RAPGEF6: variants seen among roughly 807,000 people sequenced by gnomAD.
RAPGEF6 encodes PDZ domain containing guanine nucleotide exchange factor (GEF) 2.
In RAPGEF6, 56 loss-of-function variants were observed where a neutral mutation model predicts 171.4. The ratio of observed to expected loss-of-function variants is 0.33; its 90% CI spans 0.26 to 0.41. RAPGEF6 has a LOEUF of 0.41. Ranked by LOEUF, RAPGEF6 falls within the 10% of genes least tolerant of loss-of-function variation. The probability of loss-of-function intolerance (pLI) is 1.00; values close to 1 mark genes in which losing one functional copy is unlikely to be tolerated. For missense variants in RAPGEF6, 1,674 were observed against 1,921.4 expected, an observed-to-expected ratio of 0.87 and a Z score of 2.41; for synonymous variants, 692 against 650.1, an observed-to-expected ratio of 1.06 and a Z score of -0.98.
intron 25 of RAPGEF6, 59 bp downstream of exon 25, chr5:131,433,371 T>C: frequency 6.7e-7 from 1 of 1,484,862 alleles, no homozygotes; most frequent in Non-Finnish European, 9.4e-7. Flanking sequence ...TGGGGAGCAC[T>C]CCTTGCAGTG....
intron 8 of RAPGEF6, among the ~76,000 whole-genome samples, chr5:131,509,563 A>G (rs1757589019): frequency 6.6e-6 from 1 of 152,098 alleles, no homozygotes; most frequent in South Asian, 2.1e-4. Context: ...ATAAGAGTAC[A>G]CACAAAACAT....
intron 1 of RAPGEF6, among the ~76,000 whole-genome samples, chr5:131,615,427 C>T (rs892848527): frequency 2.0e-5 from 3 of 152,072 alleles, no homozygotes; most frequent in Admixed American, 2.0e-4. Context: ...GCAAGATAAG[C>T]TTGAGGTACT....
At chr5:131,554,590 G>C (rs964658768) in intron 5 of RAPGEF6, among the ~76,000 whole-genome samples, 1 of 152,102 alleles carries the variant, frequency 6.6e-6, no homozygotes, top group Non-Finnish European at 1.5e-5. Flanking sequence ...CACAATCTTG[G>C]CTCGCTGCAA....
At chr5:131,543,484 G>A (rs952793522) in intron 6 of RAPGEF6, among the ~76,000 whole-genome samples, 3 of 152,072 alleles carry the variant, frequency 2.0e-5, no homozygotes, top group East Asian at 3.8e-4. Flanking sequence ...CTAAAGAAAC[G>A]ACATGGGCAA....
chr5:131,472,874 A>G (rs995031587), intron 16 of RAPGEF6, 130 bp from the exon 17 acceptor site: 5 of 741,696 alleles, frequency 6.7e-6, no homozygotes, highest in Admixed American at 6.1e-5. Context: ...GAAATACTAC[A>G]GCAATTTTTA....
At chr5:131,458,059 A>G (rs1234057215) in intron 19 of RAPGEF6, among the ~76,000 whole-genome samples, 1 of 152,236 alleles carries the variant, frequency 6.6e-6, no homozygotes, top group African/African-American at 2.4e-5. Flanking sequence ...CATTCATAAT[A>G]TAAGGATCCC....
chr5:131,429,463 C>A (rs1173465908), intron 26 of RAPGEF6, among the ~76,000 whole-genome samples: 15 of 152,166 alleles, frequency 9.9e-5, no homozygotes, highest in Non-Finnish European at 1.0e-4. Flanking sequence ...GGAGATGACA[C>A]TGATGACAAG....
At chr5:131,455,215 A>C (rs1753394585) in intron 20 of RAPGEF6, among the ~76,000 whole-genome samples, 1 of 152,230 alleles carries the variant, frequency 6.6e-6, no homozygotes, top group African/African-American at 2.4e-5. Flanking sequence ...TCTTGTGTTA[A>C]AAGCACAGCA....
intron 4 of RAPGEF6, among the ~76,000 whole-genome samples, chr5:131,572,319 C>T (rs1271420109): frequency 1.3e-5 from 2 of 152,194 alleles, no homozygotes; most frequent in Non-Finnish European, 2.9e-5. Context: ...AGCGGTTCTT[C>T]ACACTCGGGT....
At chr5:131,489,696 TTA>T (rs1756154952) in intron 14 of RAPGEF6, 42 bp from the exon 15 acceptor site, 4 of 1,109,196 alleles carry the variant, frequency 3.6e-6, no homozygotes, top group Non-Finnish European at 3.9e-6. Flanking sequence ...CAGAACAGTA[TTA>T]GTTACTCCTA....
At position 131,635,181 on chromosome 5, in the gene RAPGEF6, A is replaced by G; in HGVS notation, c.-151T>C. On this transcript the variant is annotated 5_prime_UTR_variant, in exon 1 of 28. Transcript: ENST00000509018. ...GAACTCTAGCAAACAACCCTTCGCAACGCCCGCCTAAGGCCTCTACCCACG... is the reference window on the plus strand; with the variant it reads ...GAACTCTAGCAAACAACCCTTCGCAGCGCCCGCCTAAGGCCTCTACCCACG... 1 of 785,502 alleles carries G rather than the reference A, an allele frequency of 1.3e-6. No individual in the cohort carries two copies. Among genetic ancestry groups the G allele is most frequent in the South Asian group, 1.9e-5 (1 of 53,660 alleles). The allele number at this position is 785,502 out of a possible 1,614,324, so 48.7% of individuals were successfully genotyped here. A position where few individuals can be genotyped will look rare whatever the true frequency, so the allele number is the denominator to read the frequency against.
chr5:131,620,582 C>T (rs1427133726), intron 1 of RAPGEF6, among the ~76,000 whole-genome samples: 2 of 149,110 alleles, frequency 1.3e-5, no homozygotes, highest in Non-Finnish European at 3.0e-5. Flanking sequence ...AAAATCCATT[C>T]TTTTTTTTTT....
At chr5:131,564,689 A>T (rs997988510) in intron 4 of RAPGEF6, among the ~76,000 whole-genome samples, 5 of 152,262 alleles carry the variant, frequency 3.3e-5, no homozygotes, top group African/African-American at 4.8e-5. Context: ...CAATAAAAAC[A>T]GACCCAGAAC....
intron 7 of RAPGEF6, among the ~76,000 whole-genome samples, chr5:131,513,950 CCT>C (rs1250984073): frequency 2.6e-5 from 4 of 152,158 alleles, no homozygotes; most frequent in Non-Finnish European, 5.9e-5. Context: ...ATTGCTTAAG[CCT>C]TGGAGGCAGA....
At chr5:131,619,587 T>C (rs1369382672) in intron 1 of RAPGEF6, among the ~76,000 whole-genome samples, 1 of 152,218 alleles carries the variant, frequency 6.6e-6, no homozygotes, top group Non-Finnish European at 1.5e-5. Context: ...AGATTGAGCA[T>C]CCAATTGTTT....
intron 3 of RAPGEF6, 61 bp downstream of exon 3, chr5:131,603,210 G>A: frequency 8.4e-7 from 1 of 1,191,696 alleles, no homozygotes; most frequent in Non-Finnish European, 1.2e-6. Flanking sequence ...GAATTTCAAT[G>A]CTAAGAGTTA....
At chr5:131,454,001 A>G (rs1753300884) in intron 20 of RAPGEF6, among the ~76,000 whole-genome samples, 1 of 152,224 alleles carries the variant, frequency 6.6e-6, no homozygotes. Context: ...AAAGCTGGAC[A>G]AAAGTACAAA....
chr5:131,607,250 C>A lies in RAPGEF6; in HGVS notation c.70-2557G>T, dbSNP rs1397578914. ...GGCACAGAATAAAGACTAGTGCCACCAGTAAAGACTCAGAAGTACGCAGAG... is the reference window on the plus strand; with the variant it reads ...GGCACAGAATAAAGACTAGTGCCACAAGTAAAGACTCAGAAGTACGCAGAG... On this transcript the variant is annotated intron_variant, in intron 1 of 27. Coordinates refer to ENST00000509018, the MANE Select transcript of RAPGEF6 (RefSeq NM_016340.6). Among the ~76,000 whole-genome samples, 3 of 152,246 alleles carry A rather than the reference C, an allele frequency of 2.0e-5. No individual in the cohort carries two copies. The East Asian group carries it at 5.8e-4, about 29-fold the overall frequency.
intron 3 of RAPGEF6, among the ~76,000 whole-genome samples, chr5:131,601,272 C>A (rs1764237835): frequency 6.6e-6 from 1 of 151,474 alleles, no homozygotes; most frequent in Admixed American, 6.6e-5. Context: ...GTAATCCCAG[C>A]TACTCGGGAG....
Sources: gnomAD v4.1 joint callset for allele counts (sites outside exome capture counted in the v4.1 genomes callset) on GRCh38, gnomAD v4.1.1 for gene constraint, MANE v1.5 for transcripts, NCBI Gene and HGNC (gene_info 2026-07-23, HGNC 2026-07-21) for gene names.